MAP3K13: variants seen among roughly 807,000 people sequenced by gnomAD.
MAP3K13 encodes the protein mitogen-activated protein kinase kinase kinase 13, also known as leucine zipper-bearing kinase.
A neutral mutation model predicts 104.0 loss-of-function variants in MAP3K13; 52 were observed. The observed-to-expected ratio is 0.50, with a 90% CI of 0.40 to 0.63. The LOEUF is 0.63. Among genes scored for constraint, MAP3K13 ranks in the 20% least tolerant of loss-of-function variants. The probability of loss-of-function intolerance (pLI) is 0.00; values close to 1 mark genes in which losing one functional copy is unlikely to be tolerated. For missense variants in MAP3K13, 914 were observed against 1,218.5 expected (o/e 0.75, Z 3.72); for synonymous variants, 394 against 442.2 (o/e 0.89, Z 1.37).
intron 2 of MAP3K13, among the ~76,000 whole-genome samples, chr3:185,303,956 A>G (rs1721194406): frequency 6.6e-6 from 1 of 151,974 alleles, no homozygotes; most frequent in South Asian, 2.1e-4. Flanking sequence ...TGTGTTTACC[A>G]CTAATAACTT....
intron 1 of MAP3K13, among the ~76,000 whole-genome samples, chr3:185,283,756 T>C (rs570350698): frequency 8.5e-5 from 13 of 152,316 alleles, no homozygotes; most frequent in African/African-American, 3.1e-4. Context: ...CAGGTTCCTT[T>C]ACTTTTCTGG....
intron 2 of MAP3K13, among the ~76,000 whole-genome samples, chr3:185,337,683 C>A (rs771111202): frequency 1.3e-4 from 20 of 152,082 alleles, no homozygotes; most frequent in Non-Finnish European, 2.8e-4. Context: ...TAACCTGGAC[C>A]TAGTCACTGA....
At chr3:185,311,242 A>G (rs895846114) in intron 2 of MAP3K13, among the ~76,000 whole-genome samples, 1 of 152,204 alleles carries the variant, frequency 6.6e-6, no homozygotes, top group Non-Finnish European at 1.5e-5. Flanking sequence ...AATTGGACTT[A>G]CAGTTCCACA....
chr3:185,332,263 C>T (rs1722315705), intron 2 of MAP3K13, among the ~76,000 whole-genome samples: 1 of 151,958 alleles, frequency 6.6e-6, no homozygotes, highest in Admixed American at 6.6e-5. Flanking sequence ...TTCTCATATC[C>T]TTGCCAACAG....
At chr3:185,339,946 C>T (rs944943970) in intron 2 of MAP3K13, among the ~76,000 whole-genome samples, 2 of 151,868 alleles carry the variant, frequency 1.3e-5, no homozygotes. Context: ...GTTTTAATAA[C>T]CAATGGGAAA....
intron 10 of MAP3K13, among the ~76,000 whole-genome samples, chr3:185,472,567 T>C (rs1240090981): frequency 6.6e-6 from 1 of 152,176 alleles, no homozygotes; most frequent in African/African-American, 2.4e-5. Flanking sequence ...TGGGACGTTG[T>C]TCCATAAACG....
rs963864667 is a variant in MAP3K13, at chr3:185,418,370, C to T, written c.-85-10127C>T. ...TCAATACGATGACCTTTAGACATGA[C>T]CAGTGCTGGTAGGGCTGAGGCAGCC... is the stretch of plus-strand genomic sequence containing the variant. On this transcript the variant is annotated intron_variant, in intron 1 of 13. Transcript: ENST00000265026. The surrounding 1 kb of genome is among the most constrained non-coding windows in gnomAD (Gnocchi z 4.5). The T allele has an allele frequency of 4.4e-6, 7 of 1,602,304 alleles. No homozygotes were observed. The South Asian group carries it at 7.7e-5, about 18-fold the overall frequency.
intron 1 of MAP3K13, among the ~76,000 whole-genome samples, chr3:185,384,991 A>G (rs1711598620): frequency 6.6e-6 from 1 of 152,086 alleles, no homozygotes; most frequent in African/African-American, 2.4e-5. Flanking sequence ...TGTGCTTTTG[A>G]AGTCTTAGCT....
chr3:185,382,254 T>C (rs1424312399), intron 1 of MAP3K13, among the ~76,000 whole-genome samples: 1 of 152,142 alleles, frequency 6.6e-6, no homozygotes, highest in Non-Finnish European at 1.5e-5. Context: ...AACAATAGAC[T>C]AATAAAACTT....
chr3:185,336,541 C>CAAAAA (rs1357841912), intron 2 of MAP3K13, among the ~76,000 whole-genome samples: 2 of 77,902 alleles, frequency 2.6e-5, no homozygotes, highest in Non-Finnish European at 5.3e-5. Context: ...GACTCTGTCT[C>CAAAAA]AAAAAAAAAA....
At chr3:185,304,276 G>A (rs1721205214) in intron 2 of MAP3K13, among the ~76,000 whole-genome samples, 1 of 152,186 alleles carries the variant, frequency 6.6e-6, no homozygotes, top group African/African-American at 2.4e-5. Context: ...CCCTTGAGAA[G>A]AATATGTGTT....
chr3:185,452,038 A>G (rs1715921988), intron 7 of MAP3K13, among the ~76,000 whole-genome samples: 1 of 152,148 alleles, frequency 6.6e-6, no homozygotes, highest in Non-Finnish European at 1.5e-5. Flanking sequence ...TCAAGAAAGT[A>G]TTATCTTCTT....
Position 185,473,398 on chromosome 3 carries a change from A to G in MAP3K13, c.2067A>G (p.Arg689=). The change falls in exon 11 of 14, where the codon AGA becomes AGG. Residue 689 remains arginine, a synonymous_variant. Coordinates refer to ENST00000265026, the MANE Select transcript of MAP3K13 (RefSeq NM_004721.5). This position sits in a 1 kb window ranked among gnomAD's most constrained non-coding sequence, Gnocchi z 4.9. ...LRSPLSNHAQ[R]QLPGSSPDLI... ...GCCCACTCAGCAACCATGCTCAGAGACAGCTGCCCGGCTCGAGCCCTGACC... is the reference window on the plus strand; with the variant it reads ...GCCCACTCAGCAACCATGCTCAGAGGCAGCTGCCCGGCTCGAGCCCTGACC... 1 of 1,614,182 alleles carries G rather than the reference A, an allele frequency of 6.2e-7. No individual in the cohort carries two copies. The highest frequency in any genetic ancestry group is 1.1e-5 in the South Asian group (1 of 91,082).
chr3:185,298,023 C>T (rs1720979581), intron 2 of MAP3K13, among the ~76,000 whole-genome samples: 1 of 150,928 alleles, frequency 6.6e-6, no homozygotes, highest in Non-Finnish European at 1.5e-5. Context: ...TGTCTGCAGG[C>T]CAGAGATAAA....
intron 2 of MAP3K13, among the ~76,000 whole-genome samples, chr3:185,345,741 T>C (rs1358952440): frequency 2.6e-5 from 4 of 152,040 alleles, no homozygotes; most frequent in Admixed American, 2.6e-4. Context: ...TTACTGTGAG[T>C]TGTGTAATTA....
intron 1 of MAP3K13, among the ~76,000 whole-genome samples, chr3:185,381,855 G>A (rs192633295): frequency 2.6e-5 from 4 of 152,338 alleles, no homozygotes; most frequent in Admixed American, 2.0e-4. Flanking sequence ...TGACAAGCAT[G>A]TTGTGACCAG....
chr3:185,417,959 T>C (rs1713883610), intron 1 of MAP3K13: 13 of 1,608,604 alleles, frequency 8.1e-6, no homozygotes, highest in Non-Finnish European at 1.1e-5. Context: ...TAGTTACTCT[T>C]GAGGGAAGCG....
At chr3:185,430,195 CAA>C (rs201019353) in intron 2 of MAP3K13, among the ~76,000 whole-genome samples, 2 of 135,106 alleles carry the variant, frequency 1.5e-5, no homozygotes, top group African/African-American at 5.4e-5. Flanking sequence ...AACTCTGCCT[CAA>C]AAAAAAAAAA....
At chr3:185,298,460 T>A (rs1403772672) in intron 2 of MAP3K13, among the ~76,000 whole-genome samples, 4 of 152,254 alleles carry the variant, frequency 2.6e-5, no homozygotes, top group Non-Finnish European at 5.9e-5. Context: ...GCATTATGTA[T>A]AACATGTTGC....
Sources: allele counts gnomAD v4.1 joint callset (sites outside exome capture counted in the v4.1 genomes callset), GRCh38; gene constraint gnomAD v4.1.1; non-coding constraint Gnocchi (gnomAD v3.1); transcripts MANE v1.5; gene names NCBI Gene and HGNC (gene_info 2026-07-23, HGNC 2026-07-21).